Variants in CDK6 observed in about 807,000 individuals in gnomAD.
The protein encoded by CDK6 is cyclin-dependent kinase 6.
A neutral mutation model predicts 37.1 loss-of-function variants in CDK6; 6 were observed. That is an observed-to-expected ratio of 0.16 (90% CI 0.09 to 0.32). The LOEUF (loss-of-function observed/expected upper bound fraction) is 0.32, where lower values mean the gene tolerates loss of function less well. Ranked by LOEUF, CDK6 falls within the 10% of genes least tolerant of loss-of-function variation. The pLI is 1.00. For missense variants in CDK6, 224 were observed against 418.9 expected (o/e 0.53, Z 4.06); for synonymous variants, 160 against 161.3 (o/e 0.99, Z 0.06).
intron 3 of CDK6, among the ~76,000 whole-genome samples, chr7:92,753,739 A>G (rs1292275023): frequency 1.3e-5 from 2 of 152,158 alleles, no homozygotes; most frequent in Non-Finnish European, 2.9e-5. Flanking sequence ...TTCCTGCCTG[A>G]CATCATGGCA....
At chr7:92,811,524 C>A (rs931806794) in intron 2 of CDK6, among the ~76,000 whole-genome samples, 1 of 151,528 alleles carries the variant, frequency 6.6e-6, no homozygotes, top group Admixed American at 6.6e-5. Context: ...AATTATAGCA[C>A]TTGAAGATGG....
At chr7:92,777,391 C>A (rs559841409) in intron 2 of CDK6, among the ~76,000 whole-genome samples, 2 of 152,288 alleles carry the variant, frequency 1.3e-5, no homozygotes, top group South Asian at 2.1e-4. Context: ...GGATTACAGG[C>A]ATGGGCCACC....
chr7:92,724,291 G>A (rs187888243), intron 4 of CDK6, among the ~76,000 whole-genome samples: 2 of 152,264 alleles, frequency 1.3e-5, no homozygotes, highest in East Asian at 3.9e-4. Flanking sequence ...ACATCAACTC[G>A]TGCCATTTCT....
chr7:92,730,670 A>G (rs193166016), intron 3 of CDK6, among the ~76,000 whole-genome samples: 5 of 152,300 alleles, frequency 3.3e-5, no homozygotes, highest in Admixed American at 1.3e-4. Context: ...CAGTTAACAT[A>G]GTTCCTTTAA....
chr7:92,746,284 C>T (rs757317773), intron 3 of CDK6, among the ~76,000 whole-genome samples: 1 of 152,164 alleles, frequency 6.6e-6, no homozygotes, highest in South Asian at 2.1e-4. Flanking sequence ...AAGTCTCAGT[C>T]GCTGAACATA....
chr7:92,820,097 A>G (rs1361079601), intron 2 of CDK6, among the ~76,000 whole-genome samples: 1 of 152,120 alleles, frequency 6.6e-6, no homozygotes, highest in Non-Finnish European at 1.5e-5. Flanking sequence ...ATTTCTGGAG[A>G]ACACAGATTG....
chr7:92,660,430 G>T (rs1796809978), intron 5 of CDK6, among the ~76,000 whole-genome samples: 1 of 152,176 alleles, frequency 6.6e-6, no homozygotes, highest in Admixed American at 6.5e-5. Flanking sequence ...GGGCCAAAAG[G>T]TAGGTCTCTT....
intron 4 of CDK6, among the ~76,000 whole-genome samples, chr7:92,714,932 T>C (rs1158852476): frequency 6.6e-6 from 1 of 152,158 alleles, no homozygotes; most frequent in African/African-American, 2.4e-5. Context: ...TGTAAAAAGG[T>C]ACTTTTAAAT....
chr7:92,817,023 T>A (rs895621470), intron 2 of CDK6, among the ~76,000 whole-genome samples: 1 of 151,980 alleles, frequency 6.6e-6, no homozygotes, highest in African/African-American at 2.4e-5. Flanking sequence ...AGGTCTCATA[T>A]CTATTAAGAA....
Position 92,613,844 on chromosome 7 carries a change from A to G in CDK6, c.*1296T>C, listed in dbSNP as rs918878408. 4 of 233,144 alleles carry G rather than the reference A, an allele frequency of 1.7e-5. No homozygotes were observed. Among genetic ancestry groups the G allele is most frequent in the Non-Finnish European group, 3.4e-5 (4 of 118,022 alleles). 14.4% of individuals were successfully genotyped at this position (233,144 alleles called of 1,614,324 possible). ...ACACCAGGTAGAAGGACTGCATTAGAGAACATATGTGACCCTGTTAGGTTT... is the reference window on the plus strand; with the variant it reads ...ACACCAGGTAGAAGGACTGCATTAGGGAACATATGTGACCCTGTTAGGTTT... On this transcript the variant is annotated 3_prime_UTR_variant, in exon 8 of 8. Transcript: ENST00000424848.
At chr7:92,668,374 G>A (rs1233366732) in intron 5 of CDK6, among the ~76,000 whole-genome samples, 1 of 152,172 alleles carries the variant, frequency 6.6e-6, no homozygotes, top group Non-Finnish European at 1.5e-5. Flanking sequence ...ACACATGACT[G>A]TACTTTTGTT....
chr7:92,833,074 G>A lies in CDK6; in HGVS notation c.233+17C>T, dbSNP rs1455875603. ...GCGCGAGGCCCCAGATGGCGAGGGC[G>A]CAGCTCCCTGGCTCACCTGACCACG... is the stretch of plus-strand genomic sequence containing the variant. On this transcript the variant is annotated intron_variant, in intron 2 of 7. Transcript: ENST00000424848. This position sits in a 1 kb window ranked among gnomAD's most constrained non-coding sequence, Gnocchi z 6.1. 1.3e-6 allele frequency: 2 copies of A among 1,529,174 alleles called. No homozygotes were observed. Among genetic ancestry groups the A allele is most frequent in the Non-Finnish European group, 8.8e-7 (1 of 1,131,006 alleles). 94.7% of individuals were successfully genotyped at this position (1,529,174 alleles called of 1,614,324 possible).
intron 4 of CDK6, among the ~76,000 whole-genome samples, chr7:92,679,683 A>G (rs750652221): frequency 7.9e-5 from 12 of 152,148 alleles, no homozygotes; most frequent in Non-Finnish European, 1.8e-4. Context: ...AATCAAAACT[A>G]GTGATAATTT....
rs564051859 is a variant in CDK6 at position 92,800,345 on chromosome 7, G to A, written c.234-25514C>T. On this transcript the variant is annotated intron_variant, in intron 2 of 7. Coordinates refer to ENST00000424848, the MANE Select transcript of CDK6 (RefSeq NM_001145306.2). The stretch of plus-strand genomic sequence containing the variant: ...CTCAGGTTCGTCTGCCATACGTGAT[G>A]TCATTCATCTCCATGTATACGATGT... Among the ~76,000 whole-genome samples, 3 of 152,260 alleles carry A rather than the reference G, an allele frequency of 2.0e-5. No individual in the cohort carries two copies. In the South Asian group the frequency reaches 6.2e-4, roughly 32 times the overall value.
chr7:92,645,334 C>T (rs779328944), intron 5 of CDK6, among the ~76,000 whole-genome samples: 41 of 152,172 alleles, frequency 2.7e-4, no homozygotes, highest in Non-Finnish European at 4.4e-4. Context: ...CATACCCACA[C>T]AGGAAAAAAG....
At chr7:92,774,101 T>C (rs897505901) in intron 3 of CDK6, among the ~76,000 whole-genome samples, 4 of 152,220 alleles carry the variant, frequency 2.6e-5, no homozygotes, top group Non-Finnish European at 5.9e-5. Context: ...GCATCTAGTT[T>C]ACTGACCTCT....
chr7:92,633,291 T>C (rs1796096453), intron 5 of CDK6, among the ~76,000 whole-genome samples: 1 of 152,096 alleles, frequency 6.6e-6, no homozygotes, highest in South Asian at 2.1e-4. Flanking sequence ...AACTCAACAA[T>C]TTGGTACAGG....
Position 92,688,581 on chromosome 7 carries a change from T to TCTCA in CDK6, c.538-17047_538-17046insTGAG, listed in dbSNP as rs1491483768. 1.3e-3 allele frequency among the ~76,000 whole-genome samples: 164 copies of TCTCA among 127,576 alleles called. 1 individual carries two copies. The highest frequency in any genetic ancestry group is 4.1e-3 in the Middle Eastern group (1 of 246). 83.7% of individuals were successfully genotyped at this position (127,576 alleles called of 152,430 possible). A position where few individuals can be genotyped will look rare whatever the true frequency, so the allele number is the denominator to read the frequency against. On this transcript the variant is annotated intron_variant, in intron 4 of 7. Coordinates refer to ENST00000424848, the MANE Select transcript of CDK6 (RefSeq NM_001145306.2). ...TTGAGGTGTATAGACTACATATACA[T>TCTCA]CACACACACACACACACACACACAC...
intron 4 of CDK6, among the ~76,000 whole-genome samples, chr7:92,696,219 G>C (rs1562938730): frequency 6.6e-6 from 1 of 152,218 alleles, no homozygotes; most frequent in South Asian, 2.1e-4. Flanking sequence ...GAGGCTACAA[G>C]AGTGGGCTTC....
Sources: allele counts gnomAD v4.1 joint callset (sites outside exome capture counted in the v4.1 genomes callset), GRCh38; gene constraint gnomAD v4.1.1; non-coding constraint Gnocchi (gnomAD v3.1); transcripts MANE v1.5; gene names NCBI Gene and HGNC (gene_info 2026-07-23, HGNC 2026-07-21).